SSH2: variants seen among roughly 807,000 people sequenced by gnomAD.
SSH2 encodes slingshot protein phosphatase 2.
SSH2 carries 37 observed loss-of-function variants against 135.2 expected under a neutral mutation model. The ratio of observed to expected loss-of-function variants is 0.27; its 90% CI spans 0.21 to 0.36. The LOEUF is 0.36. Ranked by LOEUF, SSH2 falls within the 10% of genes least tolerant of loss-of-function variation. The pLI, the probability that SSH2 is intolerant of heterozygous loss-of-function variation, is 1.00. For missense variants in SSH2, 1,408 were observed against 1,765.3 expected (o/e 0.80, Z 3.63); for synonymous variants, 628 against 646.2 (o/e 0.97, Z 0.43).
chr17:29,836,009 G>T (rs1454334492), intron 2 of SSH2, among the ~76,000 whole-genome samples: 1 of 148,902 alleles, frequency 6.7e-6, no homozygotes, highest in Non-Finnish European at 1.5e-5. Context: ...TCTTTTGAAA[G>T]AATTATTATT....
At chr17:29,639,948 T>C (rs777513601) in intron 14 of SSH2, among the ~76,000 whole-genome samples, 2 of 152,204 alleles carry the variant, frequency 1.3e-5, no homozygotes, top group South Asian at 2.1e-4. Context: ...TCACCCACCA[T>C]AGTAGGACAA....
At chr17:29,704,222 A>C (rs971992464) in intron 3 of SSH2, among the ~76,000 whole-genome samples, 2 of 152,132 alleles carry the variant, frequency 1.3e-5, no homozygotes, top group Non-Finnish European at 2.9e-5. Context: ...CAAAGTTTGC[A>C]AAAAAAATTT....
chr17:29,823,542 A>G (rs1271775512), intron 2 of SSH2, among the ~76,000 whole-genome samples: 3 of 151,908 alleles, frequency 2.0e-5, no homozygotes, highest in Non-Finnish European at 4.4e-5. Flanking sequence ...ACTCCAGGGT[A>G]CCTCCCCCAT....
chr17:29,638,671 T>C (rs2036021787), intron 14 of SSH2, among the ~76,000 whole-genome samples: 1 of 151,862 alleles, frequency 6.6e-6, no homozygotes, highest in South Asian at 2.1e-4. Flanking sequence ...AGCCTCCTTT[T>C]AGTAGTAGCT....
rs2065498102 is a variant in SSH2 at position 29,849,065 on chromosome 17, A to G, written c.64-136T>C. On this transcript the variant is annotated intron_variant, in intron 1 of 15. Coordinates refer to ENST00000540801, the MANE Select transcript of SSH2 (RefSeq NM_001282129.2). The stretch of plus-strand genomic sequence containing the variant: ...GCTGCAATTCTGATTAGTGATGGCT[A>G]TTTTGAGAGAACACTGCCAACAAGG... 9 of 554,038 alleles carry G rather than the reference A, an allele frequency of 1.6e-5. No homozygotes were observed. In the South Asian group the frequency reaches 2.0e-4, roughly 12 times the overall value. 34.3% of individuals were successfully genotyped at this position (554,038 alleles called of 1,614,324 possible).
chr17:29,666,135 G>T (rs1257202322), intron 11 of SSH2, among the ~76,000 whole-genome samples: 1 of 152,170 alleles, frequency 6.6e-6, no homozygotes, highest in African/African-American at 2.4e-5. Context: ...ACTTTGGGAA[G>T]GACTAGGTGA....
At chr17:29,644,544 C>T (rs904899515) in intron 14 of SSH2, among the ~76,000 whole-genome samples, 2 of 152,218 alleles carry the variant, frequency 1.3e-5, no homozygotes, top group Admixed American at 1.3e-4. Flanking sequence ...TGCGATGGCT[C>T]ACGCCTGTAA....
chr17:29,913,317 CAAAA>C (rs1207663146), intron 1 of SSH2, among the ~76,000 whole-genome samples: 66 of 3,418 alleles, frequency 0.019, 2 homozygotes, highest in African/African-American at 0.038. Flanking sequence ...GACGCCATCT[CAAAA>C]AAAAAAAAAA....
rs1391694611 is a variant in SSH2 at position 29,667,035 on chromosome 17, C to T, written c.904-40G>A. Reference sequence around the variant, plus strand: ...ATATATTGGACCCATCTCTTAAAGTCCCTCTGTACTTTCAACCATGCACTA... The same window carrying T: ...ATATATTGGACCCATCTCTTAAAGTTCCTCTGTACTTTCAACCATGCACTA... On this transcript the variant is annotated intron_variant, in intron 10 of 15. Coordinates refer to ENST00000540801, the MANE Select transcript of SSH2 (RefSeq NM_001282129.2). The T allele has an allele frequency of 3.1e-6, 5 of 1,612,972 alleles. No homozygotes were observed. In the Admixed American group the frequency reaches 6.7e-5, roughly 22 times the overall value.
chr17:29,836,981 G>A lies in SSH2; in HGVS notation c.144+11868C>T, dbSNP rs542984683. Among the ~76,000 whole-genome samples, 4 of 152,284 alleles carry A rather than the reference G, an allele frequency of 2.6e-5. No homozygotes were observed. The South Asian group carries it at 6.2e-4, about 24-fold the overall frequency. On this transcript the variant is annotated intron_variant, in intron 2 of 15. Coordinates refer to ENST00000540801, the MANE Select transcript of SSH2 (RefSeq NM_001282129.2). ...TAAGAAAATAGACATCTTAGGCTGG[G>A]CGTGGTGGCTCATGCCTATAATCTC... is the stretch of plus-strand genomic sequence containing the variant.
At chr17:29,704,608 T>C (rs2039121854) in intron 3 of SSH2, among the ~76,000 whole-genome samples, 1 of 145,178 alleles carries the variant, frequency 6.9e-6, no homozygotes, top group Admixed American at 7.1e-5. Flanking sequence ...GAGGGTGAGG[T>C]GGGAGGATCA....
At chr17:29,668,160 C>A (rs1486239399) in intron 9 of SSH2, among the ~76,000 whole-genome samples, 1 of 152,210 alleles carries the variant, frequency 6.6e-6, no homozygotes, top group Non-Finnish European at 1.5e-5. Context: ...AGGCATCCTG[C>A]CTGCCCTTGC....
chr17:29,924,083 ACTT>A (rs756557759), intron 1 of SSH2, among the ~76,000 whole-genome samples: 14 of 152,116 alleles, frequency 9.2e-5, no homozygotes, highest in Admixed American at 2.6e-4. Flanking sequence ...TCTTTTCTGT[ACTT>A]CTCTGTATTT....
intron 1 of SSH2, among the ~76,000 whole-genome samples, chr17:29,860,161 A>G (rs945411670): frequency 6.6e-6 from 1 of 151,998 alleles, no homozygotes; most frequent in African/African-American, 2.4e-5. Flanking sequence ...TTCTGTTTTT[A>G]GCTCTTTGAG....
intron 1 of SSH2, among the ~76,000 whole-genome samples, chr17:29,850,371 T>G (rs2065533200): frequency 6.6e-6 from 1 of 152,240 alleles, no homozygotes; most frequent in Non-Finnish European, 1.5e-5. Flanking sequence ...TTAAAACTTC[T>G]CACTACCAGT....
In SSH2 at chr17:29,869,159, G is replaced by A. The variant is rs529530607; in HGVS notation, c.64-20230C>T. ...AGATGAATTCAGAAATTGCTTCAACGGACAGAGATTCTAGAGAGATGGTCA... is the reference window on the plus strand; with the variant it reads ...AGATGAATTCAGAAATTGCTTCAACAGACAGAGATTCTAGAGAGATGGTCA... On this transcript the variant is annotated intron_variant, in intron 1 of 15. Coordinates refer to ENST00000540801, the MANE Select transcript of SSH2 (RefSeq NM_001282129.2). Among the ~76,000 whole-genome samples, 196 of 152,232 alleles carry A rather than the reference G, an allele frequency of 1.3e-3. 1 individual carries two copies. Among genetic ancestry groups the A allele is most frequent in the African/African-American group, 4.4e-3 (184 of 41,540 alleles).
intron 4 of SSH2, among the ~76,000 whole-genome samples, chr17:29,700,621 T>C (rs75149392): frequency 1.1e-3 from 175 of 152,350 alleles, no homozygotes; most frequent in African/African-American, 4.1e-3. Context: ...TAGCAGACAC[T>C]GGCATTTTAA....
chr17:29,849,860 A>AAAG (rs779908614), intron 1 of SSH2, among the ~76,000 whole-genome samples: 1 of 84,424 alleles, frequency 1.2e-5, no homozygotes, highest in Non-Finnish European at 2.1e-5. Context: ...AAAAAAGTAT[A>AAAG]TATATATATA....
At chr17:29,848,372 G>A (rs1368736363) in intron 2 of SSH2, among the ~76,000 whole-genome samples, 1 of 152,174 alleles carries the variant, frequency 6.6e-6, no homozygotes, top group Non-Finnish European at 1.5e-5. Context: ...CGGGTTTCCA[G>A]TCCAGTGATT....
Sources: gnomAD v4.1 joint callset for allele counts (sites outside exome capture counted in the v4.1 genomes callset) on GRCh38, gnomAD v4.1.1 for gene constraint, MANE v1.5 for transcripts, NCBI Gene and HGNC (gene_info 2026-07-23, HGNC 2026-07-21) for gene names.